The following SPEF2 variants were observed in gnomAD, a reference collection of about 807,000 sequenced individuals.
The protein encoded by SPEF2 is sperm flagellar and cilia associated 2.
SPEF2 carries 187 observed loss-of-function variants against 224.6 expected under a neutral mutation model. That is an observed-to-expected ratio of 0.83 (90% CI 0.74 to 0.94). The LOEUF (loss-of-function observed/expected upper bound fraction) is 0.94. Among genes scored for constraint, SPEF2 ranks in the 40% least tolerant of loss-of-function variants. The pLI is 0.00. For missense variants in SPEF2, 2,170 were observed against 2,135.6 expected, an observed-to-expected ratio of 1.02 and a Z score of -0.32; for synonymous variants, 715 against 707.3, an observed-to-expected ratio of 1.01 and a Z score of -0.17.
chr5:35,800,695 A>T (rs555356480), intron 34 of SPEF2, among the ~76,000 whole-genome samples: 2 of 152,212 alleles, frequency 1.3e-5, no homozygotes, highest in Non-Finnish European at 2.9e-5. Flanking sequence ...GGCTTTTGGG[A>T]TGGGATAGTC....
In SPEF2 at chr5:35,740,148, C is replaced by T; in HGVS notation, c.3211C>T (p.Leu1071=). 2 of 1,614,094 alleles carry T rather than the reference C, an allele frequency of 1.2e-6. No individual in the cohort carries two copies. Among genetic ancestry groups the T allele is most frequent in the South Asian group, 2.2e-5 (2 of 91,078 alleles). The stretch of plus-strand genomic sequence containing the variant: ...CTACAGAACAAGTTTCCAGGAGTTT[C>T]TAAAGCGTCCGGATCACAAGCAAGA... ...YEIRTSFQEF[L]KRPDHKQDFV... The change falls in exon 23 of 37, where the codon CTA becomes TTA. Residue 1071 remains leucine, a synonymous_variant. Transcript: ENST00000356031.
chr5:35,712,104 T>C (rs1741265099), intron 19 of SPEF2, among the ~76,000 whole-genome samples: 1 of 152,160 alleles, frequency 6.6e-6, no homozygotes, highest in Non-Finnish European at 1.5e-5. Context: ...TTCTTTGTAT[T>C]ACAATTACAG....
chr5:35,687,625 G>A (rs532345820), intron 10 of SPEF2, among the ~76,000 whole-genome samples: 1 of 152,018 alleles, frequency 6.6e-6, no homozygotes, highest in Non-Finnish European at 1.5e-5. Flanking sequence ...AAAGTGCTTG[G>A]ATTACAGGCG....
At chr5:35,749,438 G>A (rs1338785724) in intron 23 of SPEF2, among the ~76,000 whole-genome samples, 3 of 151,904 alleles carry the variant, frequency 2.0e-5, no homozygotes, top group African/African-American at 7.3e-5. Flanking sequence ...CGATATGATC[G>A]TTTACCTTGA....
chr5:35,653,098 A>G (rs1486234260), intron 6 of SPEF2, among the ~76,000 whole-genome samples: 1 of 152,232 alleles, frequency 6.6e-6, no homozygotes, highest in Non-Finnish European at 1.5e-5. Context: ...ATAAAAATGT[A>G]TCTTTTAATG....
Position 35,700,525 on chromosome 5 carries a change from T to C in SPEF2, c.2171T>C (p.Leu724Pro). Reference protein sequence around the residue: ...NEIPVNQDCILDGFPMTLNQA... With the variant: ...NEIPVNQDCIPDGFPMTLNQA... ...ATACCTGTGAATCAAGACTGTATCC[T>C]AGATGGTTTTCCAATGACTTTAAAC... is the stretch of plus-strand genomic sequence containing the variant. Residue 724 changes from leucine (L) to proline (P), a missense_variant, in exon 16 of 37, where the codon CTA becomes CCA. By Grantham distance (98) the Leu-to-Pro change is moderately conservative. Transcript: ENST00000356031. 6.2e-7 allele frequency: 1 copy of C among 1,613,444 alleles called. No individual in the cohort carries two copies.
At chr5:35,632,192 A>G (rs1203407933) in intron 2 of SPEF2, among the ~76,000 whole-genome samples, 1 of 152,178 alleles carries the variant, frequency 6.6e-6, no homozygotes, top group Admixed American at 6.5e-5. Context: ...GTATTAGTCC[A>G]TTTTCACACT....
intron 23 of SPEF2, among the ~76,000 whole-genome samples, chr5:35,750,983 C>CTATATATATATATATGTATA (rs150523436): frequency 4.1e-5 from 3 of 73,936 alleles, no homozygotes; most frequent in African/African-American, 1.4e-4. Context: ...AGAAACTGTG[C>CTATATATATATATATGTATA]TATATATATA....
rs77162030 is a variant in SPEF2 at position 35,675,916 on chromosome 5, T to G, written c.1524+5689T>G. On this transcript the variant is annotated intron_variant, in intron 10 of 36. Transcript: ENST00000356031. ...GATAGGGGTCTGGGACTTGTGTCTATGGAATAGCAGGAATAGAAGATGAAC... is the reference window on the plus strand; with the variant it reads ...GATAGGGGTCTGGGACTTGTGTCTAGGGAATAGCAGGAATAGAAGATGAAC... 511 of 456,230 alleles carry G rather than the reference T, an allele frequency of 1.1e-3. 5 individuals carry two copies. The highest frequency in any genetic ancestry group is 9.3e-3 in the African/African-American group (467 of 50,196). 28.3% of individuals were successfully genotyped at this position (456,230 alleles called of 1,614,324 possible). A position where few individuals can be genotyped will look rare whatever the true frequency, so the allele number is the denominator to read the frequency against.
chr5:35,812,365 C>T (rs1282879595), intron 36 of SPEF2, among the ~76,000 whole-genome samples: 1 of 152,086 alleles, frequency 6.6e-6, no homozygotes, highest in African/African-American at 2.4e-5. Flanking sequence ...CCAGATTTTG[C>T]GTTGGACATT....
chr5:35,683,620 G>A (rs1456354922), intron 10 of SPEF2, among the ~76,000 whole-genome samples: 3 of 152,142 alleles, frequency 2.0e-5, no homozygotes, highest in African/African-American at 4.8e-5. Context: ...GTGAGACTTC[G>A]TCTCAAAACA....
intron 26 of SPEF2, among the ~76,000 whole-genome samples, chr5:35,768,626 G>T (rs929499280): frequency 6.6e-6 from 1 of 151,956 alleles, no homozygotes; most frequent in Admixed American, 6.6e-5. Context: ...TTATCTCTAC[G>T]TTAAGAAATG....
At chr5:35,642,557 G>A (rs1353857943) in intron 3 of SPEF2, among the ~76,000 whole-genome samples, 2 of 152,106 alleles carry the variant, frequency 1.3e-5, no homozygotes, top group African/African-American at 2.4e-5. Flanking sequence ...TGATGAATAT[G>A]TCTAGTACAA....
At chr5:35,805,643 A>G (rs1290899488) in intron 34 of SPEF2, among the ~76,000 whole-genome samples, 1 of 152,202 alleles carries the variant, frequency 6.6e-6, no homozygotes, top group Non-Finnish European at 1.5e-5. Context: ...ATGTATGCAG[A>G]CACATATGCA....
chr5:35,753,321 AT>A (rs1183478947), intron 23 of SPEF2, among the ~76,000 whole-genome samples: 21 of 151,128 alleles, frequency 1.4e-4, no homozygotes, highest in Admixed American at 5.3e-4. Flanking sequence ...AACCAAACAC[AT>A]TTTTTTTTAG....
At chr5:35,708,101 T>C (rs1454550013) in intron 18 of SPEF2, among the ~76,000 whole-genome samples, 1 of 152,202 alleles carries the variant, frequency 6.6e-6, no homozygotes, top group Non-Finnish European at 1.5e-5. Context: ...GCAATATTAT[T>C]ATAATTATTA....
At chr5:35,647,643 A>G (rs975298292) in intron 5 of SPEF2, among the ~76,000 whole-genome samples, 13 of 152,096 alleles carry the variant, frequency 8.5e-5, no homozygotes, top group Non-Finnish European at 2.9e-5. Context: ...TTCAGGGACA[A>G]TCATCCAAAC....
At chr5:35,772,257 G>C (rs1185435057) in intron 27 of SPEF2, among the ~76,000 whole-genome samples, 1 of 151,956 alleles carries the variant, frequency 6.6e-6, no homozygotes, top group African/African-American at 2.4e-5. Flanking sequence ...GAATAGCTTT[G>C]GCATCAACAT....
chr5:35,621,902 C>T lies in SPEF2; in HGVS notation c.58+3847C>T, dbSNP rs150724945. Among the ~76,000 whole-genome samples the T allele has an allele frequency of 4.3e-3, 647 of 152,224 alleles. 3 individuals carry two copies. Among genetic ancestry groups the T allele is most frequent in the African/African-American group, 0.014 (574 of 41,544 alleles). ...ATTAGATTAGAGTCAGAATTCCTGC[C>T]CCTCTGGCCTACAGTACTTAGGGAA... On this transcript the variant is annotated intron_variant, in intron 1 of 36. Coordinates refer to ENST00000356031, the MANE Select transcript of SPEF2 (RefSeq NM_024867.4).
Sources: gnomAD v4.1 joint callset for allele counts (sites outside exome capture counted in the v4.1 genomes callset) on GRCh38, gnomAD v4.1.1 for gene constraint, MANE v1.5 for transcripts, NCBI Gene and HGNC (gene_info 2026-07-23, HGNC 2026-07-21) for gene names.